Variants in VPS50 observed in about 807,000 individuals in gnomAD.
The protein encoded by VPS50 is syndetin.
In VPS50, 70 loss-of-function variants were observed where a neutral mutation model predicts 139.7. The observed-to-expected ratio is 0.50, with a 90% CI of 0.41 to 0.61. VPS50 has a LOEUF of 0.61. Among genes scored for constraint, VPS50 ranks in the 20% least tolerant of loss-of-function variants. VPS50 has a pLI of 0.00. For missense variants in VPS50, 921 were observed against 1,133.7 expected (o/e 0.81, Z 2.69); for synonymous variants, 365 against 376.7 (o/e 0.97, Z 0.36).
intron 27 of VPS50, among the ~76,000 whole-genome samples, chr7:93,357,171 C>G (rs1798729099): frequency 6.6e-6 from 1 of 152,156 alleles, no homozygotes. Context: ...GCTGTAAACA[C>G]TTCTGGGTTG....
intron 23 of VPS50, among the ~76,000 whole-genome samples, chr7:93,344,828 A>G (rs1798340049): frequency 6.6e-6 from 1 of 152,106 alleles, no homozygotes; most frequent in African/African-American, 2.4e-5. Flanking sequence ...CATTCAAAGC[A>G]GTGTGTAGAG....
chr7:93,324,600 GTAT>G lies in VPS50; in HGVS notation c.1977+869_1977+871del, dbSNP rs1257659687. ...TGCTGGATTACATTTATTGATTTGC[GTAT>G]ATTGAACCAGCCTTGCAAAATCACA... On this transcript the variant is annotated intron_variant, in intron 21 of 27. Coordinates refer to ENST00000305866, the MANE Select transcript of VPS50 (RefSeq NM_017667.4). Among the ~76,000 whole-genome samples, 23 of 152,142 alleles carry G rather than the reference GTAT, an allele frequency of 1.5e-4. No individual in the cohort carries two copies. The South Asian group carries it at 4.8e-3, about 32-fold the overall frequency.
chr7:93,323,099 A>C (rs1797665912), intron 20 of VPS50, among the ~76,000 whole-genome samples: 1 of 152,108 alleles, frequency 6.6e-6, no homozygotes, highest in South Asian at 2.1e-4. Flanking sequence ...GGCAATGGGC[A>C]GTATCTTGCA....
intron 23 of VPS50, among the ~76,000 whole-genome samples, chr7:93,346,389 G>C (rs866016409): frequency 1.5e-4 from 23 of 152,110 alleles, no homozygotes; most frequent in Admixed American, 7.2e-4. Context: ...AATGAAAATG[G>C]CCATACTGCC....
intron 27 of VPS50, among the ~76,000 whole-genome samples, chr7:93,357,917 A>T (rs2117101439): frequency 6.6e-6 from 1 of 152,202 alleles, no homozygotes; most frequent in East Asian, 1.9e-4. Flanking sequence ...TGTTTACAAA[A>T]TGTAGAGGGC....
At chr7:93,298,182 A>T (rs946387720) in intron 16 of VPS50, among the ~76,000 whole-genome samples, 10 of 152,208 alleles carry the variant, frequency 6.6e-5, no homozygotes, top group African/African-American at 2.2e-4. Flanking sequence ...TTTGAAAAAG[A>T]TTTAAATTGA....
intron 2 of VPS50, among the ~76,000 whole-genome samples, chr7:93,242,500 A>G (rs1311094046): frequency 2.6e-5 from 4 of 151,904 alleles, no homozygotes; most frequent in Non-Finnish European, 5.9e-5. Flanking sequence ...TATATAACAT[A>G]GAAAATTCTC....
At chr7:93,293,132 G>A (rs1360912481) in intron 13 of VPS50, among the ~76,000 whole-genome samples, 7 of 152,242 alleles carry the variant, frequency 4.6e-5, no homozygotes, top group African/African-American at 1.7e-4. Flanking sequence ...CTGCAGGGTT[G>A]TTGTAAAGTT....
chr7:93,322,731 G>GAAAGT (rs1797654339), intron 20 of VPS50, among the ~76,000 whole-genome samples: 1 of 151,894 alleles, frequency 6.6e-6, no homozygotes, highest in South Asian at 2.1e-4. Flanking sequence ...TTCTGTAGAA[G>GAAAGT]AAAGTATAGA....
chr7:93,273,217 A>C (rs1796061635), intron 11 of VPS50: 1 of 152,120 alleles, frequency 6.6e-6, no homozygotes, highest in Non-Finnish European at 1.5e-5. Flanking sequence ...TTTTATCCCC[A>C]AAATGTCATA....
intron 22 of VPS50, among the ~76,000 whole-genome samples, chr7:93,338,757 G>A (rs1461920562): frequency 6.6e-6 from 1 of 152,134 alleles, no homozygotes; most frequent in Non-Finnish European, 1.5e-5. Context: ...GGAGTGTTAT[G>A]ATCACATCTC....
At chr7:93,236,937 CTTTTTTTTTTTTTTTTTTTT>C (rs71107889) in intron 1 of VPS50, among the ~76,000 whole-genome samples, 4 of 31,032 alleles carry the variant, frequency 1.3e-4, no homozygotes, top group African/African-American at 3.3e-4. Context: ...TCTTTTACTT[CTTTTTTTTTTTTTTTTTTTT>C]TTTTTTTTTT....
chr7:93,249,889 C>G (rs1051998426), intron 2 of VPS50, among the ~76,000 whole-genome samples: 5 of 152,126 alleles, frequency 3.3e-5, no homozygotes, highest in Admixed American at 6.6e-5. Flanking sequence ...TGGTAACCTT[C>G]CCTTCCACAC....
At chr7:93,242,173 T>G (rs941980168) in intron 2 of VPS50, among the ~76,000 whole-genome samples, 1 of 151,668 alleles carries the variant, frequency 6.6e-6, no homozygotes, top group African/African-American at 2.4e-5. Context: ...ATTTATTGAG[T>G]TTCTATGTGC....
At chr7:93,280,933 ATAT>A (rs1796309329) in intron 12 of VPS50, among the ~76,000 whole-genome samples, 1 of 152,140 alleles carries the variant, frequency 6.6e-6, no homozygotes, top group South Asian at 2.1e-4. Context: ...ACACACTCAT[ATAT>A]TATTTGGGGG....
intron 20 of VPS50, 31 bp from the exon 21 acceptor site, chr7:93,323,580 T>C (rs1157199175): frequency 1.2e-5 from 12 of 986,494 alleles, no homozygotes; most frequent in African/African-American, 1.7e-5. Context: ...AATTTTGTTC[T>C]GCTTAATTTT....
intron 14 of VPS50, 130 bp from the exon 15 acceptor site, chr7:93,296,612 A>C: frequency 1.4e-6 from 2 of 1,454,904 alleles, no homozygotes; most frequent in African/African-American, 1.5e-5. Context: ...ATTGGCCTAA[A>C]TAGATATTCG....
intron 9 of VPS50, 104 bp downstream of exon 9, chr7:93,259,736 G>A (rs2116843717): frequency 3.4e-6 from 2 of 588,214 alleles, no homozygotes; most frequent in South Asian, 4.9e-5. Context: ...AAAGTGTTGT[G>A]TTCTAGTTTA....
At chr7:93,237,326 C>T (rs1256676163) in intron 1 of VPS50, among the ~76,000 whole-genome samples, 1 of 152,102 alleles carries the variant, frequency 6.6e-6, no homozygotes, top group Non-Finnish European at 1.5e-5. Flanking sequence ...ATAAGTTGTT[C>T]AAAACCACAG....
Sources: gnomAD v4.1 joint callset for allele counts (sites outside exome capture counted in the v4.1 genomes callset) on GRCh38, gnomAD v4.1.1 for gene constraint, MANE v1.5 for transcripts, NCBI Gene and HGNC (gene_info 2026-07-23, HGNC 2026-07-21) for gene names.